The following PINX1 variants were observed in gnomAD, a reference collection of about 807,000 sequenced individuals.
PINX1 encodes the protein PIN2 (TERF1) interacting telomerase inhibitor 1, also known as PIN2/TERF1-interacting telomerase inhibitor 1.
A neutral mutation model predicts 25.4 loss-of-function variants in PINX1; 34 were observed. The observed-to-expected ratio is 1.34, with a 90% CI of 1.02 to 1.78. The LOEUF is 1.78. PINX1 is among the 40% of genes most tolerant of loss of function. The pLI, the probability that PINX1 is intolerant of heterozygous loss-of-function variation, is 0.00. For synonymous variants in PINX1, 197 were observed against 147.7 expected (o/e 1.33, Z -2.42); for missense variants, 592 against 404.9 (o/e 1.46, Z -3.97).
intron 5 of PINX1, chr8:10,825,228 G>T: frequency 2.3e-6 from 1 of 430,566 alleles, no homozygotes; most frequent in South Asian, 1.7e-5. Flanking sequence ...ATCCAGGCTG[G>T]CTGTACAAGT....
At chr8:10,818,785 G>C (rs113550563) in intron 6 of PINX1, among the ~76,000 whole-genome samples, 13 of 152,318 alleles carry the variant, frequency 8.5e-5, no homozygotes, top group African/African-American at 2.9e-4. Context: ...AAAGGAGATG[G>C]AGTTCAAGAG....
intron 6 of PINX1, among the ~76,000 whole-genome samples, chr8:10,773,363 G>A (rs1302391229): frequency 6.6e-6 from 1 of 152,208 alleles, no homozygotes; most frequent in African/African-American, 2.4e-5. Flanking sequence ...GCTGCTAACT[G>A]CTGCCTGCTT....
chr8:10,803,379 C>G (rs1364003849), intron 6 of PINX1, among the ~76,000 whole-genome samples: 1 of 152,194 alleles, frequency 6.6e-6, no homozygotes, highest in Admixed American at 6.5e-5. Flanking sequence ...CTCACCAGCT[C>G]ATGGACGTCT....
rs568940088 is a variant in PINX1, at chr8:10,839,609, C to G, written c.19+129G>C. Reference sequence around the variant, plus strand: ...AGGACAATCAGAGCCGGGCTCGGCTCCCCGGTCCCCCGATCCCATGCGCCA... The same window carrying G: ...AGGACAATCAGAGCCGGGCTCGGCTGCCCGGTCCCCCGATCCCATGCGCCA... On this transcript the variant is annotated intron_variant, in intron 1 of 6. Transcript: ENST00000314787. 12 of 933,860 alleles carry G rather than the reference C, an allele frequency of 1.3e-5. No individual in the cohort carries two copies. In the African/African-American group the frequency reaches 1.8e-4, roughly 14 times the overall value. The allele number at this position is 933,860 out of a possible 1,614,324, so 57.8% of individuals were successfully genotyped here.
chr8:10,836,027 T>C (rs970309103), intron 1 of PINX1, among the ~76,000 whole-genome samples: 3 of 152,162 alleles, frequency 2.0e-5, no homozygotes, highest in African/African-American at 7.2e-5. Flanking sequence ...GGTGTCATTA[T>C]CATTTATCTG....
intron 4 of PINX1, among the ~76,000 whole-genome samples, chr8:10,830,108 G>C (rs1292780656): frequency 6.6e-6 from 1 of 152,116 alleles, no homozygotes; most frequent in African/African-American, 2.4e-5. Flanking sequence ...CCTAATATGA[G>C]TCATTCAGTA....
chr8:10,791,921 A>AC (rs1032235323), intron 6 of PINX1, among the ~76,000 whole-genome samples: 26 of 151,702 alleles, frequency 1.7e-4, no homozygotes, highest in Admixed American at 2.6e-4. Context: ...AGGCCCTGAG[A>AC]CCCCCAGGAC....
At chr8:10,779,519 C>T (rs1207947185) in intron 6 of PINX1, among the ~76,000 whole-genome samples, 1 of 152,180 alleles carries the variant, frequency 6.6e-6, no homozygotes, top group Non-Finnish European at 1.5e-5. Context: ...AACTGCCACA[C>T]ACCCAAAACA....
chr8:10,819,960 A>T (rs1797814977), intron 6 of PINX1, among the ~76,000 whole-genome samples: 1 of 152,224 alleles, frequency 6.6e-6, no homozygotes, highest in Non-Finnish European at 1.5e-5. Flanking sequence ...AAACAAAAAG[A>T]ACAAAAGCCA....
At chr8:10,804,522 G>T (rs568103572) in intron 6 of PINX1, among the ~76,000 whole-genome samples, 4 of 152,136 alleles carry the variant, frequency 2.6e-5, no homozygotes, top group Non-Finnish European at 5.9e-5. Context: ...GCTGGGCACT[G>T]CTGACATGGG....
chr8:10,809,443 G>A (rs774207041), intron 6 of PINX1, among the ~76,000 whole-genome samples: 10 of 152,192 alleles, frequency 6.6e-5, no homozygotes, highest in Non-Finnish European at 1.3e-4. Context: ...CAAAAGCTGT[G>A]CTCAATAGAA....
At chr8:10,807,970 A>G (rs1464046645) in intron 6 of PINX1, among the ~76,000 whole-genome samples, 1 of 152,206 alleles carries the variant, frequency 6.6e-6, no homozygotes, top group Admixed American at 6.5e-5. Flanking sequence ...TGACACACTG[A>G]AAGTTTTATA....
chr8:10,781,224 T>C (rs1036845163), intron 6 of PINX1, among the ~76,000 whole-genome samples: 1 of 152,086 alleles, frequency 6.6e-6, no homozygotes, highest in Non-Finnish European at 1.5e-5. Flanking sequence ...GACCTAAACA[T>C]AAGACCTAAA....
At chr8:10,792,667 TG>T (rs1256636459) in intron 6 of PINX1, among the ~76,000 whole-genome samples, 2 of 152,188 alleles carry the variant, frequency 1.3e-5, no homozygotes, top group Non-Finnish European at 2.9e-5. Flanking sequence ...GCCGGTACTC[TG>T]GCAAAGGTAT....
chr8:10,796,454 C>A (rs777915459), intron 6 of PINX1, among the ~76,000 whole-genome samples: 21 of 152,196 alleles, frequency 1.4e-4, no homozygotes, highest in Admixed American at 2.6e-4. Context: ...GCTCCCCCTT[C>A]CAGAGAGCAG....
intron 6 of PINX1, among the ~76,000 whole-genome samples, chr8:10,809,334 A>G (rs1365152227): frequency 6.6e-6 from 1 of 152,272 alleles, no homozygotes; most frequent in African/African-American, 2.4e-5. Context: ...GCGAAAGAGT[A>G]GCCTTCCTGT....
intron 6 of PINX1, among the ~76,000 whole-genome samples, chr8:10,781,231 T>G (rs1174271968): frequency 6.6e-6 from 1 of 152,096 alleles, no homozygotes; most frequent in African/African-American, 2.4e-5. Context: ...ACATAAGACC[T>G]AAAACCATTA....
At chr8:10,828,531 C>G (rs1038145209) in intron 4 of PINX1, among the ~76,000 whole-genome samples, 15 of 152,148 alleles carry the variant, frequency 9.9e-5, no homozygotes, top group Admixed American at 5.2e-4. Flanking sequence ...GCAGACATGA[C>G]GCAGAGGCCA....
chr8:10,816,828 C>T (rs983534682), intron 6 of PINX1, among the ~76,000 whole-genome samples: 17 of 99,012 alleles, frequency 1.7e-4, no homozygotes, highest in Admixed American at 1.4e-3. Context: ...TGGAATTGGA[C>T]GGACACAGAT....
Sources: allele counts gnomAD v4.1 joint callset (sites outside exome capture counted in the v4.1 genomes callset), GRCh38; gene constraint gnomAD v4.1.1; transcripts MANE v1.5; gene names NCBI Gene and HGNC (gene_info 2026-07-23, HGNC 2026-07-21).